Variants in QSER1 observed in about 807,000 individuals in gnomAD.
QSER1 encodes glutamine and serine-rich protein 1.
A neutral mutation model predicts 158.5 loss-of-function variants in QSER1; 49 were observed. That is an observed-to-expected ratio of 0.31 (90% CI 0.25 to 0.39). The LOEUF (loss-of-function observed/expected upper bound fraction) is 0.39. QSER1 is among the 10% of genes least tolerant of loss of function. The pLI, the probability that QSER1 is intolerant of heterozygous loss-of-function variation, is 1.00. For missense variants in QSER1, 1,754 were observed against 2,010.3 expected, an observed-to-expected ratio of 0.87 and a Z score of 2.44; for synonymous variants, 650 against 715.5, an observed-to-expected ratio of 0.91 and a Z score of 1.46.
At chr11:32,953,095 A>C (rs1401058705) in intron 4 of QSER1, among the ~76,000 whole-genome samples, 1 of 151,884 alleles carries the variant, frequency 6.6e-6, no homozygotes, top group South Asian at 2.1e-4. Context: ...GCCACCGTGC[A>C]TGGCCCCAAT....
At chr11:32,930,425 A>G (rs934403182) in intron 3 of QSER1, among the ~76,000 whole-genome samples, 2 of 152,190 alleles carry the variant, frequency 1.3e-5, no homozygotes, top group Admixed American at 6.5e-5. Context: ...TGGATATTTA[A>G]TGGAAAGTAG....
intron 1 of QSER1, among the ~76,000 whole-genome samples, chr11:32,924,560 C>CAAAA (rs371281813): frequency 3.4e-5 from 2 of 58,500 alleles, no homozygotes; most frequent in Admixed American, 1.9e-4. Context: ...GACCCTGTCT[C>CAAAA]AAAAAAAAAA....
chr11:32,975,367 A>G, intron 12 of QSER1, 24 bp downstream of exon 12: 1 of 1,607,226 alleles, frequency 6.2e-7, no homozygotes, highest in Non-Finnish European at 8.5e-7. Context: ...ATTTACTTAA[A>G]AAAAATGTTT....
rs552933403 is a variant in QSER1 at position 32,908,981 on chromosome 11, G to A, written c.209+15647G>A. 8.6e-4 allele frequency among the ~76,000 whole-genome samples: 131 copies of A among 152,238 alleles called. 1 individual carries two copies. The highest frequency in any genetic ancestry group is 1.7e-3 in the Non-Finnish European group (114 of 68,014). ...TCAAGACCAACCTGGCCAACAGAGC[G>A]AAACCTCATCTCTACTAAAAATATA... On this transcript the variant is annotated intron_variant, in intron 1 of 12. Transcript: ENST00000650167.
intron 1 of QSER1, among the ~76,000 whole-genome samples, chr11:32,918,426 A>C (rs142483738): frequency 6.6e-6 from 1 of 151,804 alleles, no homozygotes; most frequent in Non-Finnish European, 1.5e-5. Context: ...GGTCAGGGAA[A>C]TCTTGAGAGG....
At position 32,957,863 on chromosome 11, in the gene QSER1, T is replaced by C. The variant is rs1852547638; in HGVS notation, c.4752-6T>C. 1 of 1,611,008 alleles carries C rather than the reference T, an allele frequency of 6.2e-7. No homozygotes were observed. Among genetic ancestry groups the C allele is most frequent in the Non-Finnish European group, 8.5e-7 (1 of 1,177,680 alleles). ...GTGTTAATGAAGTTTGTTTATAACA[T>C]TGCAGAACTGTTCAAGCTAAGCCAA... On this transcript the variant is annotated splice_region_variant and splice_polypyrimidine_tract_variant and intron_variant, in intron 7 of 12. Transcript: ENST00000650167.
chr11:32,934,882 A>C lies in QSER1; in HGVS notation c.3624A>C (p.Lys1208Asn). Residue 1208 changes from lysine (K) to asparagine (N), a missense_variant, in exon 4 of 13, where the codon AAA becomes AAC. Lys to Asn is a moderately conservative substitution (Grantham distance 94). This residue lies in a region of QSER1 where 1,707 missense variants were observed against 1,919.6 expected (regional missense o/e 0.89). Transcript: ENST00000650167. Reference protein sequence around the residue: ...FNLQKKRAKGKGQVKEEDNSN... With the variant: ...FNLQKKRAKGNGQVKEEDNSN... ...TTCAAAAGAAAAGAGCTAAAGGAAAAGGGCAAGTTAAAGAGGAAGACAACA... is the reference window on the plus strand; with the variant it reads ...TTCAAAAGAAAAGAGCTAAAGGAAACGGGCAAGTTAAAGAGGAAGACAACA... 1 of 1,613,940 alleles carries C rather than the reference A, an allele frequency of 6.2e-7. No homozygotes were observed. Among genetic ancestry groups the C allele is most frequent in the Non-Finnish European group, 8.5e-7 (1 of 1,179,970 alleles).
At chr11:32,897,922 A>G (rs1851576093) in intron 1 of QSER1, among the ~76,000 whole-genome samples, 1 of 152,156 alleles carries the variant, frequency 6.6e-6, no homozygotes, top group South Asian at 2.1e-4. Flanking sequence ...ACTAAGACCT[A>G]CTGTTTTGAA....
intron 1 of QSER1, among the ~76,000 whole-genome samples, chr11:32,920,647 G>T (rs1037695885): frequency 6.6e-6 from 1 of 152,152 alleles, no homozygotes; most frequent in Non-Finnish European, 1.5e-5. Context: ...CATATTTAAA[G>T]AACTCTTATA....
intron 1 of QSER1, among the ~76,000 whole-genome samples, chr11:32,912,132 A>C (rs907129803): frequency 1.3e-5 from 2 of 152,178 alleles, no homozygotes; most frequent in Non-Finnish European, 1.5e-5. Flanking sequence ...TTTTATTTCC[A>C]GCTCAGATTT....
chr11:32,909,516 T>C (rs1851737900), intron 1 of QSER1, among the ~76,000 whole-genome samples: 1 of 152,050 alleles, frequency 6.6e-6, no homozygotes, highest in Admixed American at 6.6e-5. Flanking sequence ...CTTGGCTCAC[T>C]GCAACCTCCG....
chr11:32,903,678 C>G (rs1234763878), intron 1 of QSER1, among the ~76,000 whole-genome samples: 1 of 152,074 alleles, frequency 6.6e-6, no homozygotes, highest in East Asian at 1.9e-4. Context: ...GCGATCTCAG[C>G]TTGCTGCAAC....
chr11:32,959,635 A>G (rs186312720), intron 8 of QSER1, among the ~76,000 whole-genome samples: 159 of 152,320 alleles, frequency 1.0e-3, no homozygotes, highest in African/African-American at 3.7e-3. Flanking sequence ...GTTGAAGTTG[A>G]TGTCCAGGAT....
intron 8 of QSER1, among the ~76,000 whole-genome samples, chr11:32,959,501 T>G (rs1434150386): frequency 6.6e-6 from 1 of 152,188 alleles, no homozygotes; most frequent in African/African-American, 2.4e-5. Context: ...AAGACATAAT[T>G]CAGGCATAAA....
At chr11:32,952,631 G>A (rs1440914065) in intron 4 of QSER1, among the ~76,000 whole-genome samples, 1 of 151,902 alleles carries the variant, frequency 6.6e-6, no homozygotes, top group Non-Finnish European at 1.5e-5. Context: ...GTTGGGAAGT[G>A]TTTCCTCCTA....
At chr11:32,935,798 T>G (rs117988993) in intron 4 of QSER1, among the ~76,000 whole-genome samples, 2,963 of 152,352 alleles carry the variant, frequency 0.019, 45 homozygotes, top group South Asian at 0.038. Context: ...TAACATTTTA[T>G]TATTAAATAT....
In QSER1 at chr11:32,978,674, T is replaced by G. The variant is rs185556119; in HGVS notation, c.*2200T>G. 15 of 152,302 alleles carry G rather than the reference T, an allele frequency of 9.8e-5. No individual in the cohort carries two copies. Among genetic ancestry groups the G allele is most frequent in the African/African-American group, 3.1e-4 (13 of 41,574 alleles). The allele number at this position is 152,302 out of a possible 1,614,324, so 9.4% of individuals were successfully genotyped here. A position where few individuals can be genotyped will look rare whatever the true frequency, so the allele number is the denominator to read the frequency against. On this transcript the variant is annotated 3_prime_UTR_variant, in exon 13 of 13. Transcript: ENST00000650167. ...GCCCTCAAACTGCTTGCAGTTGTAT[T>G]CATTTTAGTACAACAAAGGTTTTCA...
intron 1 of QSER1, among the ~76,000 whole-genome samples, chr11:32,896,015 A>C (rs1031274517): frequency 1.3e-5 from 2 of 152,234 alleles, no homozygotes; most frequent in Admixed American, 1.3e-4. Context: ...AAGTACAGGG[A>C]TAAGGACTGG....
intron 8 of QSER1, among the ~76,000 whole-genome samples, chr11:32,959,347 A>G (rs1251347795): frequency 6.6e-6 from 1 of 152,252 alleles, no homozygotes; most frequent in African/African-American, 2.4e-5. Context: ...AACATAAAGT[A>G]GAATTTAAGA....
Sources: gnomAD v4.1 joint callset for allele counts (sites outside exome capture counted in the v4.1 genomes callset) on GRCh38, gnomAD v4.1.1 for gene constraint, gnomAD v4.1.1 regional missense constraint, MANE v1.5 for transcripts, NCBI Gene and HGNC (gene_info 2026-07-23, HGNC 2026-07-21) for gene names.